AASDH: variants seen among roughly 807,000 people sequenced by gnomAD.
AASDH encodes beta-alanine-activating enzyme.
AASDH carries 81 observed loss-of-function variants against 102.3 expected under a neutral mutation model. That is an observed-to-expected ratio of 0.79 (90% confidence interval 0.66 to 0.95). The LOEUF is 0.95. AASDH is among the 40% of genes least tolerant of loss of function. The pLI is 0.00. For synonymous variants in AASDH, 398 were observed against 454.0 expected (o/e 0.88, Z 1.57); for missense variants, 1,203 against 1,266.2 (o/e 0.95, Z 0.76).
chr4:56,345,110 T>C lies in AASDH; in HGVS notation c.2652+17A>G. The C allele has an allele frequency of 4.3e-6, 7 of 1,612,564 alleles. No homozygotes were observed. Among genetic ancestry groups the C allele is most frequent in the Non-Finnish European group, 5.9e-6 (7 of 1,178,900 alleles). ...GCATGCGCCACCATGCCCAGCTAATTTGAGGTCAATCCTTACATAAATATC... is the reference window on the plus strand; with the variant it reads ...GCATGCGCCACCATGCCCAGCTAATCTGAGGTCAATCCTTACATAAATATC... On this transcript the variant is annotated intron_variant, in intron 12 of 14. Transcript: ENST00000205214.
At position 56,349,287 on chromosome 4, in the gene AASDH, T is replaced by C; in HGVS notation, c.2464A>G (p.Lys822Glu). Residue 822 changes from lysine (K) to glutamate (E), a missense_variant, in exon 11 of 15, where the codon AAG (lysine) becomes GAG (glutamate). Physicochemically the swap from Lys to Glu is moderately conservative, Grantham distance 56. Transcript: ENST00000205214. ...DRIESSACVS[K>E]CGNFIVVGCY... ...CCCACCACAATAAAGTTTCCACACTTAGATACACATGCTGAGGATTCAATT... is the reference window on the plus strand; with the variant it reads ...CCCACCACAATAAAGTTTCCACACTCAGATACACATGCTGAGGATTCAATT... 6.2e-7 allele frequency: 1 copy of C among 1,614,160 alleles called. No individual in the cohort carries two copies. Among genetic ancestry groups the C allele is most frequent in the Non-Finnish European group, 8.5e-7 (1 of 1,180,026 alleles).
chr4:56,351,429 C>T lies in AASDH; in HGVS notation c.1605G>A (p.Lys535=). The part of the protein sequence containing the change: ...HGKIDVSELN[K]IYLNYINLKS... ...TCAAGTTTATGTAGTTTAAATATAT[C>T]TTGTTTAACTCAGAAACATCAATTT... The change falls in exon 10 of 15, where the codon AAG becomes AAA. Residue 535 remains lysine (K), a synonymous_variant. Coordinates refer to ENST00000205214, the MANE Select transcript of AASDH (RefSeq NM_181806.4). 5.0e-6 allele frequency: 8 copies of T among 1,590,056 alleles called. No homozygotes were observed. Among genetic ancestry groups the T allele is most frequent in the Non-Finnish European group, 6.0e-6 (7 of 1,163,368 alleles).
intron 13 of AASDH, 103 bp downstream of exon 13, chr4:56,343,459 A>T: frequency 1.2e-6 from 1 of 821,698 alleles, no homozygotes; most frequent in Non-Finnish European, 1.9e-6. Flanking sequence ...TATGTGGACT[A>T]CTACAATTAA....
chr4:56,347,038 C>T (rs1297965340), intron 11 of AASDH, among the ~76,000 whole-genome samples: 1 of 143,916 alleles, frequency 6.9e-6, no homozygotes, highest in East Asian at 2.0e-4. Context: ...AAGACGCTGT[C>T]TTAAAAAAAA....
chr4:56,353,847 TATTTAA>T (rs1560579090), intron 8 of AASDH, among the ~76,000 whole-genome samples, 186 bp downstream of exon 8: 1 of 152,330 alleles, frequency 6.6e-6, no homozygotes, highest in East Asian at 1.9e-4. Context: ...ATTTGTCACT[TATTTAA>T]AGAATAACCA....
chr4:56,381,908 G>A (rs1753013844), intron 3 of AASDH: 1 of 151,984 alleles, frequency 6.6e-6, no homozygotes, highest in African/African-American at 2.4e-5. Flanking sequence ...TATATCTTTG[G>A]TTGGCAATCA....
intron 5 of AASDH, among the ~76,000 whole-genome samples, chr4:56,358,599 T>C (rs989995574): frequency 2.0e-5 from 3 of 151,922 alleles, no homozygotes; most frequent in African/African-American, 2.4e-5. Context: ...TCTGCATCCA[T>C]TAAGATAGGT....
chr4:56,341,909 C>T (rs1747735053), intron 14 of AASDH, among the ~76,000 whole-genome samples: 1 of 151,122 alleles, frequency 6.6e-6, no homozygotes, highest in Non-Finnish European at 1.5e-5. Flanking sequence ...GTCAGGAGTT[C>T]GAGACTAGCC....
At chr4:56,364,388 A>G (rs907525984) in intron 5 of AASDH, among the ~76,000 whole-genome samples, 14 of 152,292 alleles carry the variant, frequency 9.2e-5, no homozygotes, top group African/African-American at 3.4e-4. Context: ...ATACTCTTCA[A>G]GAAGAGCAAC....
In AASDH at chr4:56,350,041, T is replaced by TG; in HGVS notation, c.1709dup (p.Glu571ArgfsTer8). On this transcript the variant is annotated frameshift_variant, in exon 11 of 15. Coordinates refer to ENST00000205214, the MANE Select transcript of AASDH (RefSeq NM_181806.4). LOFTEE classifies it high-confidence loss of function. The stretch of plus-strand genomic sequence containing the variant: ...CATCAGGAACCCTCAAAAGATCTTC[T>TG]GGGAGATTCAGAGTAGACTACAGAT... 1 of 1,594,580 alleles carries TG rather than the reference T, an allele frequency of 6.3e-7. No individual in the cohort carries two copies. Among genetic ancestry groups the TG allele is most frequent in the Non-Finnish European group, 8.5e-7 (1 of 1,177,238 alleles).
At chr4:56,365,690 T>C (rs1750908169) in intron 5 of AASDH, among the ~76,000 whole-genome samples, 1 of 152,008 alleles carries the variant, frequency 6.6e-6, no homozygotes, top group Non-Finnish European at 1.5e-5. Context: ...AGACACAACA[T>C]ACCAGAATCT....
At position 56,343,601 on chromosome 4, in the gene AASDH, A is replaced by G; in HGVS notation, c.2736T>C (p.Tyr912=). The G allele has an allele frequency of 6.2e-7, 1 of 1,610,886 alleles. No homozygotes were observed. The highest frequency in any genetic ancestry group is 1.3e-5 in the African/African-American group (1 of 74,968). ...PCLNLIPHHL[Y]FATLGGLLLA... ...GTAAAAGTCCTCCCAATGTAGCAAAATACAAATGATGTGGAATCAGGTTCA... is the reference window on the plus strand; with the variant it reads ...GTAAAAGTCCTCCCAATGTAGCAAAGTACAAATGATGTGGAATCAGGTTCA... The change falls in exon 13 of 15, where the codon TAT becomes TAC. Residue 912 remains tyrosine (Y), a synonymous_variant. Transcript: ENST00000205214.
Position 56,386,799 on chromosome 4 carries a change from C to CAAA in AASDH, c.-43+560_-43+562dup, listed in dbSNP as rs386400124. 5.7e-3 allele frequency among the ~76,000 whole-genome samples: 276 copies of CAAA among 48,712 alleles called. 24 individuals are homozygous for CAAA. The highest frequency in any genetic ancestry group is 0.015 in the African/African-American group (188 of 12,256). The allele number at this position is 48,712 out of a possible 152,430, so 32.0% of individuals were successfully genotyped here. On this transcript the variant is annotated intron_variant, in intron 1 of 14. Transcript: ENST00000205214. The stretch of plus-strand genomic sequence containing the variant: ...TGGGCGACAGAGCGAGACTCCGTCT[C>CAAA]AAAAAAAAAAAAAAAAAAAAAAAGG...
chr4:56,338,435 A>G lies in AASDH; in HGVS notation c.3264T>C (p.Tyr1088=), dbSNP rs1747130921. ...LIIGCRDNYV[Y]CLDLLGGNQK ...GATTGCCACCCAATAAATCCAGACA[A>G]TAAACATAATTATCTCTACACCCAA... The change falls in exon 15 of 15, where the codon TAT becomes TAC. Residue 1088 remains tyrosine (Y), a synonymous_variant. Transcript: ENST00000205214. The G allele has an allele frequency of 6.2e-7, 1 of 1,613,826 alleles. No individual in the cohort carries two copies. Among genetic ancestry groups the G allele is most frequent in the Non-Finnish European group, 8.5e-7 (1 of 1,179,948 alleles).
At chr4:56,379,656 T>C (rs1216330755) in intron 3 of AASDH, among the ~76,000 whole-genome samples, 1 of 152,210 alleles carries the variant, frequency 6.6e-6, no homozygotes, top group East Asian at 1.9e-4. Context: ...ATGCGTATGA[T>C]AATAAAGCAG....
chr4:56,353,685 C>T, intron 8 of AASDH, 89 bp from the exon 9 acceptor site: 1 of 1,228,840 alleles, frequency 8.1e-7, no homozygotes, highest in South Asian at 1.5e-5. Context: ...GAAATCAAAA[C>T]AGCTGAATTA....
At position 56,349,392 on chromosome 4, in the gene AASDH, T is replaced by C. The variant is rs61735109; in HGVS notation, c.2359A>G (p.Ile787Val). Residue 787 changes from isoleucine (I) to valine (V), a missense_variant, in exon 11 of 15, where the codon ATT (isoleucine) becomes GTT (valine). By Grantham distance (29) the Ile-to-Val change is conservative. Coordinates refer to ENST00000205214, the MANE Select transcript of AASDH (RefSeq NM_181806.4). The part of the protein sequence containing the change: ...TFDKSSTTVY[I>V]GSHSHRMKAV... ...TTCATTCTATGAGAATGGGAACCAA[T>C]GTACACAGTTGTAGATGACTTATCA... The C allele has an allele frequency of 2.0e-3, 3,207 of 1,614,184 alleles. 52 individuals carry two copies. In the African/African-American group the frequency reaches 0.039, roughly 19 times the overall value.
rs772368902 is a variant in AASDH, at chr4:56,384,245, C to T, written c.55G>A (p.Ala19Thr). ...TTGTTGCATTCATCAAAACATACAGCTACTCTGTCCATATAACAGGAGGCA... is the reference window on the plus strand; with the variant it reads ...TTGTTGCATTCATCAAAACATACAGTTACTCTGTCCATATAACAGGAGGCA... ...KAASCYMDRV[A>T]VCFDECNNQL... Residue 19 changes from alanine to threonine, a missense_variant, in exon 2 of 15, where the codon GCT becomes ACT. Coordinates refer to ENST00000205214, the MANE Select transcript of AASDH (RefSeq NM_181806.4). The T allele has an allele frequency of 6.2e-7, 1 of 1,614,106 alleles. No individual in the cohort carries two copies. The highest frequency in any genetic ancestry group is 8.5e-7 in the Non-Finnish European group (1 of 1,179,996).
At chr4:56,374,587 T>C (rs1752141010) in intron 4 of AASDH, among the ~76,000 whole-genome samples, 1 of 151,924 alleles carries the variant, frequency 6.6e-6, no homozygotes, top group Admixed American at 6.6e-5. Flanking sequence ...TTATCTCCTG[T>C]TTATTTTCCT....
Sources: allele counts gnomAD v4.1 joint callset (sites outside exome capture counted in the v4.1 genomes callset), GRCh38; gene constraint gnomAD v4.1.1; transcripts MANE v1.5; gene names NCBI Gene and HGNC (gene_info 2026-07-23, HGNC 2026-07-21).